FRYL: variants seen among roughly 807,000 people sequenced by gnomAD.
The protein encoded by FRYL is FRY like transcription coactivator.
A neutral mutation model predicts 351.2 loss-of-function variants in FRYL; 150 were observed. The ratio of observed to expected loss-of-function variants is 0.43; its 90% CI spans 0.37 to 0.49. FRYL has a LOEUF of 0.49. Among genes scored for constraint, FRYL ranks in the 20% least tolerant of loss-of-function variants. FRYL has a pLI of 0.00. For synonymous variants in FRYL, 1,153 were observed against 1,257.1 expected (o/e 0.92, Z 1.75); for missense variants, 3,036 against 3,619.3 (o/e 0.84, Z 4.13).
At chr4:48,671,455 G>A (rs906448321) in intron 3 of FRYL, among the ~76,000 whole-genome samples, 2 of 152,136 alleles carry the variant, frequency 1.3e-5, no homozygotes, top group East Asian at 3.9e-4. Flanking sequence ...ATCACCTGAG[G>A]TCAGGAGTTC....
At chr4:48,732,193 C>A (rs993610555) in intron 1 of FRYL, among the ~76,000 whole-genome samples, 2 of 152,174 alleles carry the variant, frequency 1.3e-5, no homozygotes, top group African/African-American at 4.8e-5. Context: ...CATCACAGGT[C>A]ATTAGAGAAA....
chr4:48,779,717 C>A (rs1183381605), intron 1 of FRYL, among the ~76,000 whole-genome samples: 1 of 151,864 alleles, frequency 6.6e-6, no homozygotes, highest in Non-Finnish European at 1.5e-5. Context: ...GAGAAGGCGG[C>A]GCGCGAGGGG....
At position 48,755,390 on chromosome 4, in the gene FRYL, AT is replaced by A. The variant is rs1578935131; in HGVS notation, c.-384+24687del. 2.6e-5 allele frequency among the ~76,000 whole-genome samples: 4 copies of A among 152,294 alleles called. No individual in the cohort carries two copies. In the East Asian group the frequency reaches 7.7e-4, roughly 29 times the overall value. ...CATCATTACAAAAAATAGACAGTGA[AT>A]TTCCACATGCCACTAGAAATTTCTC... On this transcript the variant is annotated intron_variant, in intron 1 of 63. Coordinates refer to ENST00000358350, the MANE Select transcript of FRYL (RefSeq NM_015030.2).
intron 56 of FRYL, among the ~76,000 whole-genome samples, chr4:48,514,583 C>G (rs1723165805): frequency 6.6e-6 from 1 of 152,122 alleles, no homozygotes; most frequent in African/African-American, 2.4e-5. Context: ...ATTGCTTCGC[C>G]TATTATAGAA....
intron 23 of FRYL, among the ~76,000 whole-genome samples, chr4:48,577,635 T>A (rs1739919149): frequency 6.6e-6 from 1 of 152,154 alleles, no homozygotes; most frequent in African/African-American, 2.4e-5. Context: ...TATGGGGTTA[T>A]AATTTAAAAT....
intron 35 of FRYL, among the ~76,000 whole-genome samples, chr4:48,554,803 C>T (rs1157389505): frequency 6.6e-6 from 1 of 152,172 alleles, no homozygotes; most frequent in African/African-American, 2.4e-5. Flanking sequence ...CTGTGGATCT[C>T]CGAGTTGACA....
intron 50 of FRYL, among the ~76,000 whole-genome samples, chr4:48,528,656 C>G (rs553806959): frequency 2.6e-5 from 4 of 152,074 alleles, no homozygotes; most frequent in African/African-American, 7.2e-5. Context: ...ACCCAAAACT[C>G]AGAAAATGTA....
intron 33 of FRYL, among the ~76,000 whole-genome samples, chr4:48,559,057 T>A (rs867204148): frequency 6.6e-6 from 1 of 152,188 alleles, no homozygotes; most frequent in Non-Finnish European, 1.5e-5. Context: ...GGCTAACCTA[T>A]CAACCTCTGA....
intron 41 of FRYL, 44 bp downstream of exon 41, chr4:48,547,540 T>C: frequency 1.8e-6 from 2 of 1,129,690 alleles, no homozygotes; most frequent in Non-Finnish European, 2.4e-6. Flanking sequence ...TCCAAATTAA[T>C]AAAGTATAAT....
chr4:48,558,062 T>A (rs560853115), intron 33 of FRYL, among the ~76,000 whole-genome samples: 43 of 152,178 alleles, frequency 2.8e-4, no homozygotes, highest in Admixed American at 1.7e-3. Flanking sequence ...CACTTCTGAG[T>A]ATACATTGAA....
chr4:48,753,313 TAAA>T (rs984330835), intron 1 of FRYL, among the ~76,000 whole-genome samples: 2 of 152,114 alleles, frequency 1.3e-5, no homozygotes, highest in Non-Finnish European at 2.9e-5. Context: ...CTTGTCAGTA[TAAA>T]AGGTACAACT....
At chr4:48,643,725 AT>A (rs1174021003) in intron 3 of FRYL, among the ~76,000 whole-genome samples, 3 of 152,188 alleles carry the variant, frequency 2.0e-5, no homozygotes, top group African/African-American at 4.8e-5. Flanking sequence ...ATAGAAAATG[AT>A]TTTAAAAGAC....
At chr4:48,678,851 T>C (rs1056885832) in intron 3 of FRYL, among the ~76,000 whole-genome samples, 12 of 152,132 alleles carry the variant, frequency 7.9e-5, no homozygotes, top group African/African-American at 2.9e-4. Context: ...TCTTAATCAT[T>C]AGATTGACTG....
chr4:48,671,851 TCAAAAACAAAAAAAAAAAAAA>T (rs1560832116), intron 3 of FRYL, among the ~76,000 whole-genome samples: 1 of 34,726 alleles, frequency 2.9e-5, no homozygotes, highest in African/African-American at 1.0e-4. Flanking sequence ...AGACTCCGTC[TCAAAAACAAAAAAAAAAAAAA>T]CAAAAAAAAA....
At chr4:48,650,730 G>A (rs1757445920) in intron 3 of FRYL, among the ~76,000 whole-genome samples, 1 of 152,124 alleles carries the variant, frequency 6.6e-6, no homozygotes, top group Admixed American at 6.5e-5. Flanking sequence ...AGGAAGGGAG[G>A]GACATGAAGA....
In FRYL at chr4:48,612,684, T is replaced by C. The variant is rs1187585486; in HGVS notation, c.412-2861A>G. Among the ~76,000 whole-genome samples the C allele has an allele frequency of 9.2e-5, 14 of 152,250 alleles. No homozygotes were observed. In the East Asian group the frequency reaches 2.7e-3, roughly 29 times the overall value. ...AGCTCCACCTCTTGGGTTCACGCCA[T>C]TCTCCTGCCTCAGCCTCCCAAGTAG... On this transcript the variant is annotated intron_variant, in intron 7 of 63. Transcript: ENST00000358350.
chr4:48,515,681 G>C lies in FRYL; in HGVS notation c.7690-406C>G, dbSNP rs145083347. Among the ~76,000 whole-genome samples the C allele has an allele frequency of 8.2e-4, 124 of 152,096 alleles. 1 individual carries two copies. In the East Asian group the frequency reaches 0.023, roughly 28 times the overall value. ...GACACTGCACCCGGCCACTTTTATA[G>C]TTTTTGAATCAGTTATAAATTATTT... On this transcript the variant is annotated intron_variant, in intron 55 of 63. Transcript: ENST00000358350.
At chr4:48,737,259 GAAAAAAA>G (rs368219531) in intron 1 of FRYL, among the ~76,000 whole-genome samples, 1 of 97,706 alleles carries the variant, frequency 1.0e-5, no homozygotes, top group Non-Finnish European at 2.0e-5. Context: ...CTCCATCACA[GAAAAAAA>G]AAAAAAAAAA....
Position 48,708,526 on chromosome 4 carries a change from C to T in FRYL, c.-204+1993G>A, listed in dbSNP as rs188514813. On this transcript the variant is annotated intron_variant, in intron 2 of 63. Transcript: ENST00000358350. The stretch of plus-strand genomic sequence containing the variant: ...GGCCCTGCAATTCCACTTCTAAGAA[C>T]CTGTCCCAAACACAGTGGCAAGATA... Among the ~76,000 whole-genome samples, 29 of 152,288 alleles carry T rather than the reference C, an allele frequency of 1.9e-4. No homozygotes were observed. The East Asian group carries it at 5.6e-3, about 29-fold the overall frequency.
Sources: allele counts gnomAD v4.1 joint callset (sites outside exome capture counted in the v4.1 genomes callset), GRCh38; gene constraint gnomAD v4.1.1; transcripts MANE v1.5; gene names NCBI Gene and HGNC (gene_info 2026-07-23, HGNC 2026-07-21).